SBDS: variants seen among roughly 807,000 people sequenced by gnomAD.
The protein encoded by SBDS is ribosome maturation protein SBDS.
Under a neutral mutation model 26.4 loss-of-function variants are expected in SBDS, and 20 were observed. The observed-to-expected ratio is 0.76, with a 90% CI of 0.53 to 1.10. The LOEUF is 1.10. Among genes scored for constraint, SBDS ranks in the 50% least tolerant of loss-of-function variants. The pLI, the probability that SBDS is intolerant of heterozygous loss-of-function variation, is 0.00. For synonymous variants in SBDS, 95 were observed against 105.1 expected (o/e 0.90, Z 0.59); for missense variants, 241 against 302.0 (o/e 0.80, Z 1.50).
At chr7:66,991,114 C>A in intron 4 of SBDS, 23 bp downstream of exon 4, 1 of 1,597,164 alleles carries the variant, frequency 6.3e-7, no homozygotes. Flanking sequence ...TAACATGAAG[C>A]AAAGAAAATA....
intron 4 of SBDS, among the ~76,000 whole-genome samples, chr7:66,990,316 C>A (rs1442115860): frequency 6.6e-6 from 1 of 152,156 alleles, no homozygotes; most frequent in East Asian, 1.9e-4. Flanking sequence ...CCGCGCCCAG[C>A]CAGGATTCAA....
In SBDS at chr7:66,991,136, C is replaced by T. The variant is rs113993997; in HGVS notation, c.624+1G>A. 7 of 1,610,620 alleles carry T rather than the reference C, an allele frequency of 4.3e-6. No individual in the cohort carries two copies. Among genetic ancestry groups the T allele is most frequent in the East Asian group, 2.2e-5 (1 of 44,870 alleles). On this transcript the variant is annotated splice_donor_variant, in intron 4 of 4. Transcript: ENST00000246868. LOFTEE classifies it high-confidence loss of function. The stretch of plus-strand genomic sequence containing the variant: ...AAGCAAAGAAAATATTTGACTCTTA[C>T]GATTTCTAACTGTTGGCCATAATCT...
At chr7:66,994,909 A>G (rs1793064858) in intron 1 of SBDS, among the ~76,000 whole-genome samples, 1 of 152,210 alleles carries the variant, frequency 6.6e-6, no homozygotes, top group South Asian at 2.1e-4. Flanking sequence ...GACACTACGC[A>G]CTTTAAACTG....
Position 66,993,391 on chromosome 7 carries a change from T to C in SBDS, c.285A>G (p.Val95=), listed in dbSNP as rs1226239442. 1.9e-6 allele frequency: 3 copies of C among 1,614,110 alleles called. No individual in the cohort carries two copies. Among genetic ancestry groups the C allele is most frequent in the South Asian group, 1.1e-5 (1 of 91,086 alleles). ...KQILTKGEVQ[V]SDKERHTQLE... is the part of the protein sequence containing the mutation. ...GTTGTGTGTGTCTTTCTTTATCTGA[T>C]ACTTGAACTTCTCCTTTAGTCAAAA... is the stretch of plus-strand genomic sequence containing the variant. Residue 95 remains valine (V), a synonymous_variant, in exon 3 of 5, where the codon GTA becomes GTG. Coordinates refer to ENST00000246868, the MANE Select transcript of SBDS (RefSeq NM_016038.4).
At position 66,991,163 on chromosome 7, in the gene SBDS, C is replaced by A. The variant is rs750502064; in HGVS notation, c.598G>T (p.Glu200Ter). The A allele has an allele frequency of 6.2e-7, 1 of 1,613,578 alleles. No individual in the cohort carries two copies. Among genetic ancestry groups the A allele is most frequent in the East Asian group, 2.2e-5 (1 of 44,890 alleles). ...LKPLIKVIES[E>*]DYGQQLEIVC... The stretch of plus-strand genomic sequence containing the variant: ...ATTTCTAACTGTTGGCCATAATCTT[C>A]ACTTTCTATGACCTTGATCAGTGGC... The change falls in exon 4 of 5, where the codon GAA becomes TAA. Residue 200 changes from glutamate to a stop codon, truncating the protein, a stop_gained. Coordinates refer to ENST00000246868, the MANE Select transcript of SBDS (RefSeq NM_016038.4). LOFTEE classifies it high-confidence loss of function.
chr7:66,994,703 C>T lies in SBDS; in HGVS notation c.129-362G>A, dbSNP rs537726745. ...GAGATGGGGTTTCATGTTGGCCAGGCTGGCCTCGAACTCCTGGCCTCAAGT... is the reference window on the plus strand; with the variant it reads ...GAGATGGGGTTTCATGTTGGCCAGGTTGGCCTCGAACTCCTGGCCTCAAGT... On this transcript the variant is annotated intron_variant, in intron 1 of 4. Transcript: ENST00000246868. Among the ~76,000 whole-genome samples the T allele has an allele frequency of 1.1e-3, 160 of 152,298 alleles. 1 individual carries two copies. Among genetic ancestry groups the T allele is most frequent in the African/African-American group, 3.8e-3 (157 of 41,546 alleles).
At position 66,988,498 on chromosome 7, in the gene SBDS, A is replaced by G; in HGVS notation, c.626T>C (p.Val209Ala). 6 of 1,613,520 alleles carry G rather than the reference A, an allele frequency of 3.7e-6. No homozygotes were observed. The highest frequency in any genetic ancestry group is 5.1e-6 in the Non-Finnish European group (6 of 1,179,980). Residue 209 changes from valine to alanine, a missense_variant and splice_region_variant, in exon 5 of 5, where the codon GTA becomes GCA. Coordinates refer to ENST00000246868, the MANE Select transcript of SBDS (RefSeq NM_016038.4). ...GAAGCAGCCCGGGTCAATCAGACAT[A>G]CCTGAAACATTTAACGTAGCAGATT... ...SEDYGQQLEI[V>A]CLIDPGCFRE...
chr7:66,987,919 CATA>C lies in SBDS; in HGVS notation c.*449_*451del, dbSNP rs1057293446. 1.2e-4 allele frequency: 26 copies of C among 222,666 alleles called. No individual in the cohort carries two copies. Among genetic ancestry groups the C allele is most frequent in the African/African-American group, 5.2e-4 (23 of 44,132 alleles). 13.8% of individuals were successfully genotyped at this position (222,666 alleles called of 1,614,324 possible). On this transcript the variant is annotated 3_prime_UTR_variant, in exon 5 of 5. Coordinates refer to ENST00000246868, the MANE Select transcript of SBDS (RefSeq NM_016038.4). Reference sequence around the variant, plus strand: ...TCATCCAAGCTTTACATTACGATACCATAATGACCCTCAGAACACAAGTTCCAT... The same window carrying C: ...TCATCCAAGCTTTACATTACGATACCATGACCCTCAGAACACAAGTTCCAT...
At chr7:66,992,018 C>T (rs926873378) in intron 3 of SBDS, among the ~76,000 whole-genome samples, 7 of 152,130 alleles carry the variant, frequency 4.6e-5, no homozygotes, top group African/African-American at 1.4e-4. Context: ...ACCAGGTATA[C>T]AGAAATGAAA....
Position 66,987,761 on chromosome 7 carries a change from T to C in SBDS, c.*610A>G. On this transcript the variant is annotated 3_prime_UTR_variant, in exon 5 of 5. Coordinates refer to ENST00000246868, the MANE Select transcript of SBDS (RefSeq NM_016038.4). ...CAATTTTAGCTATATTAATATATAT[T>C]ATAAACTTTAAGAATTAGAAATAAG... 1 of 175,452 alleles carries C rather than the reference T, an allele frequency of 5.7e-6. No homozygotes were observed. Among genetic ancestry groups the C allele is most frequent in the East Asian group, 1.0e-4 (1 of 9,972 alleles). 10.9% of individuals were successfully genotyped at this position (175,452 alleles called of 1,614,324 possible).
chr7:66,993,261 C>A lies in SBDS; in HGVS notation c.415G>T (p.Asp139Tyr). Reference protein sequence around the residue: ...TVILIERAMKDIHYSVKTNKS... With the variant: ...TVILIERAMKYIHYSVKTNKS... Reference sequence around the variant, plus strand: ...TTGGTTTTCACCGAATAGTGGATGTCCTTCATGGCTCTCTCAATAAGGATC... The same window carrying A: ...TTGGTTTTCACCGAATAGTGGATGTACTTCATGGCTCTCTCAATAAGGATC... Residue 139 changes from aspartate to tyrosine, a missense_variant, in exon 3 of 5, where the codon GAC (aspartate) becomes TAC (tyrosine). By Grantham distance (160) the Asp-to-Tyr change is radical. Transcript: ENST00000246868. 3.1e-6 allele frequency: 5 copies of A among 1,614,142 alleles called. No homozygotes were observed. The highest frequency in any genetic ancestry group is 3.4e-6 in the Non-Finnish European group (4 of 1,180,046).
intron 4 of SBDS, among the ~76,000 whole-genome samples, chr7:66,988,913 G>C (rs910153094): frequency 6.6e-6 from 1 of 151,600 alleles, no homozygotes; most frequent in African/African-American, 2.4e-5. Context: ...ATTTTTTTTT[G>C]AGATAGAGTG....
chr7:66,992,932 G>A (rs1292502011), intron 3 of SBDS, among the ~76,000 whole-genome samples: 2 of 151,612 alleles, frequency 1.3e-5, no homozygotes, highest in African/African-American at 2.4e-5. Flanking sequence ...GCTTGAACGC[G>A]GGAGGTGGAG....
At chr7:66,993,983 T>C (rs1793030510) in intron 2 of SBDS, among the ~76,000 whole-genome samples, 1 of 131,572 alleles carries the variant, frequency 7.6e-6, no homozygotes, top group Non-Finnish European at 1.6e-5. Flanking sequence ...AAAAATGAGG[T>C]AATTTAGTAG....
At chr7:66,989,727 C>G (rs1792937196) in intron 4 of SBDS, among the ~76,000 whole-genome samples, 1 of 152,150 alleles carries the variant, frequency 6.6e-6, no homozygotes, top group Non-Finnish European at 1.5e-5. Flanking sequence ...CTAATATCCT[C>G]TGGAAACACC....
intron 2 of SBDS, among the ~76,000 whole-genome samples, chr7:66,993,743 G>GCCT: frequency 1.3e-5 from 2 of 151,840 alleles, no homozygotes; most frequent in Non-Finnish European, 2.9e-5. Flanking sequence ...GCAGGGTGGT[G>GCCT]GGCACCTGTA....
chr7:66,992,988 T>C (rs6958030), intron 3 of SBDS, among the ~76,000 whole-genome samples: 45,108 of 147,702 alleles, frequency 0.31, 7,152 homozygotes, highest in Middle Eastern at 0.43. Context: ...GCCTGGGCAA[T>C]AGAGTAAGAC....
rs113993993 is a variant in SBDS, at chr7:66,994,210, A to C, written c.258+2T>G. The C allele has an allele frequency of 6.2e-7, 1 of 1,613,122 alleles. No individual in the cohort carries two copies. The highest frequency in any genetic ancestry group is 1.1e-5 in the South Asian group (1 of 91,078). On this transcript the variant is annotated splice_donor_variant, in intron 2 of 4. Transcript: ENST00000246868. LOFTEE classifies it high-confidence loss of function. ...GTTAGCTATGCTGCAGCTGTTACCC[A>C]CCTGCTTACAGATTTCAGTTTGGTC...
rs1203557872 is a variant in SBDS at position 66,995,278 on chromosome 7, G to A, written c.128+12C>T. Reference sequence around the variant, plus strand: ...AGGCCCAGGCCCAGGCCCGAGGGAGGGGGCTACTCACACGCCGCTCCGCCA... The same window carrying A: ...AGGCCCAGGCCCAGGCCCGAGGGAGAGGGCTACTCACACGCCGCTCCGCCA... On this transcript the variant is annotated intron_variant, in intron 1 of 4. Coordinates refer to ENST00000246868, the MANE Select transcript of SBDS (RefSeq NM_016038.4). 2 of 1,613,494 alleles carry A rather than the reference G, an allele frequency of 1.2e-6. No individual in the cohort carries two copies. The highest frequency in any genetic ancestry group is 1.7e-5 in the Admixed American group (1 of 60,022).
Sources: allele counts gnomAD v4.1 joint callset (sites outside exome capture counted in the v4.1 genomes callset), GRCh38; gene constraint gnomAD v4.1.1; transcripts MANE v1.5; gene names NCBI Gene and HGNC (gene_info 2026-07-23, HGNC 2026-07-21).